Variants in DIAPH3 observed in about 807,000 individuals in gnomAD.
DIAPH3 encodes diaphanous related formin 3, also known as protein diaphanous homolog 3.
Under a neutral mutation model 144.3 loss-of-function variants are expected in DIAPH3, and 117 were observed. That is an observed-to-expected ratio of 0.81 (90% CI 0.70 to 0.95). The LOEUF (loss-of-function observed/expected upper bound fraction) is 0.95, where lower values mean the gene tolerates loss of function less well. Among genes scored for constraint, DIAPH3 ranks in the 40% least tolerant of loss-of-function variants. The probability of loss-of-function intolerance (pLI) is 0.00; values close to 1 mark genes in which losing one functional copy is unlikely to be tolerated. For synonymous variants in DIAPH3, 519 were observed against 488.9 expected, an observed-to-expected ratio of 1.06 and a Z score of -0.81; for missense variants, 1,421 against 1,412.7, an observed-to-expected ratio of 1.01 and a Z score of -0.09.
chr13:59,909,682 A>G (rs1035194757), intron 20 of DIAPH3, among the ~76,000 whole-genome samples: 5 of 152,294 alleles, frequency 3.3e-5, no homozygotes, highest in African/African-American at 1.2e-4. Flanking sequence ...TCTGTAGAGG[A>G]TGTTTTTCAA....
At chr13:59,715,913 C>G (rs1427671679) in intron 27 of DIAPH3, among the ~76,000 whole-genome samples, 1 of 151,986 alleles carries the variant, frequency 6.6e-6, no homozygotes, top group Non-Finnish European at 1.5e-5. Flanking sequence ...AATGATACTA[C>G]TGAGCACTTC....
chr13:59,791,729 G>A (rs2039336140), intron 25 of DIAPH3, among the ~76,000 whole-genome samples: 1 of 152,306 alleles, frequency 6.6e-6, no homozygotes, highest in East Asian at 1.9e-4. Flanking sequence ...GAGCAGGCAA[G>A]CACAAGCTCG....
chr13:59,725,700 C>T (rs1312796538), intron 27 of DIAPH3, among the ~76,000 whole-genome samples: 1 of 152,138 alleles, frequency 6.6e-6, no homozygotes, highest in Non-Finnish European at 1.5e-5. Context: ...TAAATTCCTG[C>T]CAATATTGTA....
At chr13:59,742,584 AG>A (rs2036512834) in intron 27 of DIAPH3, among the ~76,000 whole-genome samples, 3 of 150,904 alleles carry the variant, frequency 2.0e-5, no homozygotes, top group Non-Finnish European at 3.0e-5. Context: ...AAGAAAGAAA[AG>A]GAAAGAGAAA....
At chr13:60,094,528 G>A (rs1330899502) in intron 3 of DIAPH3, among the ~76,000 whole-genome samples, 2 of 152,184 alleles carry the variant, frequency 1.3e-5, no homozygotes, top group African/African-American at 4.8e-5. Context: ...GGCTAAAGGA[G>A]AAGGGCAGCT....
At chr13:59,992,609 G>C in intron 9 of DIAPH3, 26 bp from the exon 10 acceptor site, 1 of 1,563,788 alleles carries the variant, frequency 6.4e-7, no homozygotes, top group Non-Finnish European at 8.8e-7. Context: ...CAGTGAGACA[G>C]ACTGGGTTTC....
chr13:60,072,565 T>C (rs2057247993), intron 4 of DIAPH3, among the ~76,000 whole-genome samples: 1 of 152,108 alleles, frequency 6.6e-6, no homozygotes, highest in South Asian at 2.1e-4. Context: ...AAATGGAAAA[T>C]TGGATAGTAC....
At chr13:60,070,102 T>C (rs2057141678) in intron 4 of DIAPH3, among the ~76,000 whole-genome samples, 1 of 152,164 alleles carries the variant, frequency 6.6e-6, no homozygotes, top group Non-Finnish European at 1.5e-5. Flanking sequence ...TGATTCTTCC[T>C]ATTCACGAGC....
Position 59,945,438 on chromosome 13 carries a change from A to G in DIAPH3, c.2075-20568T>C, listed in dbSNP as rs180895257. On this transcript the variant is annotated intron_variant, in intron 17 of 27. Coordinates refer to ENST00000400324, the MANE Select transcript of DIAPH3 (RefSeq NM_001042517.2). ...GTACCTTTCATGGGAGAGGCATCCA[A>G]TGTTATTTGCTGCTTGGCTGAATAA... Among the ~76,000 whole-genome samples the G allele has an allele frequency of 2.2e-3, 335 of 152,258 alleles. 3 individuals carry two copies. The highest frequency in any genetic ancestry group is 7.5e-3 in the African/African-American group (313 of 41,556).
At chr13:60,096,947 T>G (rs930948066) in intron 3 of DIAPH3, among the ~76,000 whole-genome samples, 1 of 152,166 alleles carries the variant, frequency 6.6e-6, no homozygotes, top group African/African-American at 2.4e-5. Context: ...TTCTTGCCCT[T>G]TATAATCATG....
intron 4 of DIAPH3, among the ~76,000 whole-genome samples, chr13:60,085,312 C>A (rs1164375438): frequency 6.6e-6 from 1 of 152,056 alleles, no homozygotes. Flanking sequence ...TTGAAGCCAC[C>A]ATGACTAGAT....
chr13:60,116,520 A>G (rs1431786385), intron 2 of DIAPH3, among the ~76,000 whole-genome samples: 4 of 152,084 alleles, frequency 2.6e-5, no homozygotes, highest in African/African-American at 9.6e-5. Flanking sequence ...CTTCATTGCC[A>G]TCATTTCTGT....
intron 23 of DIAPH3, chr13:59,838,372 C>T (rs1174568507): frequency 1.3e-5 from 2 of 151,948 alleles, no homozygotes; most frequent in African/African-American, 2.4e-5. Flanking sequence ...AAACAGGACA[C>T]AAGCCTCATG....
rs1200982594 is a variant in DIAPH3 at position 60,151,088 on chromosome 13, G to GA, written c.180+12498dup. Among the ~76,000 whole-genome samples, 540 of 103,632 alleles carry GA rather than the reference G, an allele frequency of 5.2e-3. 3 individuals carry two copies. The highest frequency in any genetic ancestry group is 6.6e-3 in the African/African-American group (185 of 28,096). 68.0% of individuals were successfully genotyped at this position (103,632 alleles called of 152,430 possible). A position where few individuals can be genotyped will look rare whatever the true frequency, so the allele number is the denominator to read the frequency against. ...TGGACACAATACCAGTGTCCCCCAG[G>GA]AAAAAAAAAAAAAAAAGCTATGAGG... On this transcript the variant is annotated intron_variant, in intron 1 of 27. Transcript: ENST00000400324.
At chr13:59,751,770 T>C (rs754257340) in intron 27 of DIAPH3, among the ~76,000 whole-genome samples, 6 of 152,208 alleles carry the variant, frequency 3.9e-5, no homozygotes, top group African/African-American at 9.6e-5. Context: ...AGCAGGAAAC[T>C]GAAAACATCT....
chr13:60,071,143 C>A (rs1291040559), intron 4 of DIAPH3, among the ~76,000 whole-genome samples: 1 of 152,132 alleles, frequency 6.6e-6, no homozygotes, highest in East Asian at 1.9e-4. Context: ...TATTCTCTAG[C>A]CTTAACCTTA....
chr13:59,909,414 A>G (rs2046887980), intron 20 of DIAPH3, among the ~76,000 whole-genome samples: 2 of 150,416 alleles, frequency 1.3e-5, no homozygotes, highest in South Asian at 4.2e-4. Flanking sequence ...CTCTTTGGAG[A>G]GCAAAAGTTG....
chr13:59,697,459 C>CAAAAAAAAAAAAA (rs58372882), intron 27 of DIAPH3, among the ~76,000 whole-genome samples: 16 of 31,190 alleles, frequency 5.1e-4, no homozygotes, highest in African/African-American at 8.4e-4. Flanking sequence ...GACACTGTCT[C>CAAAAAAAAAAAAA]AAAAAAAAAA....
intron 5 of DIAPH3, among the ~76,000 whole-genome samples, chr13:60,020,690 C>A (rs2053956486): frequency 6.6e-6 from 1 of 152,178 alleles, no homozygotes; most frequent in South Asian, 2.1e-4. Context: ...AAAGGGCACA[C>A]TGTATTCTTG....
Sources: gnomAD v4.1 joint callset for allele counts (sites outside exome capture counted in the v4.1 genomes callset) on GRCh38, gnomAD v4.1.1 for gene constraint, MANE v1.5 for transcripts, NCBI Gene and HGNC (gene_info 2026-07-23, HGNC 2026-07-21) for gene names.